RTRAF: variants seen among roughly 807,000 people sequenced by gnomAD.
The protein encoded by RTRAF is tRNA-splicing ligase complex subunit RTRAF.
A neutral mutation model predicts 34.4 loss-of-function variants in RTRAF; 14 were observed. The ratio of observed to expected loss-of-function variants is 0.41; its 90% CI spans 0.27 to 0.64. RTRAF has a LOEUF of 0.64. RTRAF is among the 30% of genes least tolerant of loss of function. RTRAF has a pLI of 0.34. For synonymous variants in RTRAF, 96 were observed against 95.3 expected, an observed-to-expected ratio of 1.01 and a Z score of -0.04; for missense variants, 291 against 288.4, an observed-to-expected ratio of 1.01 and a Z score of -0.06.
chr14:52,005,333 C>CAAAAGTCTTTTTGCACTACA lies in RTRAF; in HGVS notation c.*821_*840dup, dbSNP rs1175456825. On this transcript the variant is annotated 3_prime_UTR_variant, in exon 8 of 8. Transcript: ENST00000261700. ...TAAAGATTGAGGTATCAGCTTTTCACAAAAGTCTTTTTGCACTACAAAATG... is the reference window on the plus strand; with the variant it reads ...TAAAGATTGAGGTATCAGCTTTTCACAAAAGTCTTTTTGCACTACAAAAAGTCTTTTTGCACTACAAAATG... The CAAAAGTCTTTTTGCACTACA allele has an allele frequency of 1.4e-5, 8 of 589,178 alleles. No homozygotes were observed. Among genetic ancestry groups the CAAAAGTCTTTTTGCACTACA allele is most frequent in the South Asian group, 6.1e-5 (1 of 16,332 alleles). 36.5% of individuals were successfully genotyped at this position (589,178 alleles called of 1,614,324 possible). A position where few individuals can be genotyped will look rare whatever the true frequency, so the allele number is the denominator to read the frequency against.
rs1170136998 is a variant in RTRAF, at chr14:52,010,061, T to A, written c.*5545T>A. ...CAGAAAGGCAAGCCTATGCAAAGAG[T>A]TTTTAAGAGGGCTATTAATTCCTGT... On this transcript the variant is annotated 3_prime_UTR_variant, in exon 8 of 8. Coordinates refer to ENST00000261700, the MANE Select transcript of RTRAF (RefSeq NM_016039.3). 6.6e-6 allele frequency: 1 copy of A among 150,698 alleles called. No individual in the cohort carries two copies. Among genetic ancestry groups the A allele is most frequent in the African/African-American group, 2.4e-5 (1 of 40,874 alleles). The allele number at this position is 150,698 out of a possible 1,614,324, so 9.3% of individuals were successfully genotyped here. A position where few individuals can be genotyped will look rare whatever the true frequency, so the allele number is the denominator to read the frequency against.
At chr14:52,004,036 T>C (rs943556409) in intron 6 of RTRAF, 158 bp from the exon 7 acceptor site, 31 of 669,962 alleles carry the variant, frequency 4.6e-5, no homozygotes, top group Non-Finnish European at 7.3e-5. Context: ...CTAATCACAA[T>C]CATCACAAAG....
intron 2 of RTRAF, 31 bp downstream of exon 2, chr14:51,991,472 A>G (rs1475593216): frequency 6.3e-7 from 1 of 1,586,894 alleles, no homozygotes; most frequent in South Asian, 1.2e-5. Context: ...GTAAAAATAC[A>G]GAGAGTTTGT....
rs190299251 is a variant in RTRAF, at chr14:52,006,167, T to C, written c.*1651T>C. The stretch of plus-strand genomic sequence containing the variant: ...GTATTTTTCGGTCCCTCAGACAATA[T>C]GTCCACAGTGTCAAAAGCCAACTTA... On this transcript the variant is annotated 3_prime_UTR_variant, in exon 8 of 8. Transcript: ENST00000261700. The C allele has an allele frequency of 5.5e-5, 22 of 402,598 alleles. No individual in the cohort carries two copies. The highest frequency in any genetic ancestry group is 1.1e-4 in the Admixed American group (3 of 27,158). 24.9% of individuals were successfully genotyped at this position (402,598 alleles called of 1,614,324 possible).
At chr14:52,002,043 G>A in intron 6 of RTRAF, 177 bp downstream of exon 6, 3 of 583,856 alleles carry the variant, frequency 5.1e-6, no homozygotes, top group Non-Finnish European at 8.7e-6. Flanking sequence ...TGGCTAGGGG[G>A]TCATTTTTGA....
In RTRAF at chr14:52,001,260, ATGCATGCC is replaced by A. The variant is rs1177653027; in HGVS notation, c.463-536_463-529del. Among the ~76,000 whole-genome samples, 4 of 152,188 alleles carry A rather than the reference ATGCATGCC, an allele frequency of 2.6e-5. No individual in the cohort carries two copies. In the East Asian group the frequency reaches 7.7e-4, roughly 29 times the overall value. ...TTTTTAAGTGTGTATGGATACTTGC[ATGCATGCC>A]TACCATAATGAAATGCCTTGGTGAT... On this transcript the variant is annotated intron_variant, in intron 5 of 7. Transcript: ENST00000261700.
chr14:51,990,130 A>G (rs537582149), intron 1 of RTRAF, among the ~76,000 whole-genome samples: 53 of 152,260 alleles, frequency 3.5e-4, no homozygotes, highest in African/African-American at 1.3e-3. Context: ...GCCAGGAGCT[A>G]AAGGGACGAG....
chr14:51,993,803 A>G lies in RTRAF; in HGVS notation c.267A>G (p.Arg89=). The G allele has an allele frequency of 6.3e-7, 1 of 1,588,932 alleles. No individual in the cohort carries two copies. ...ACTGGCTTCTTGGTTTAGCTGTTAG[A>G]CTTGAATATGGAGATAATGGTACGT... ...AIDWLLGLAV[R]LEYGDNAEKY... The change falls in exon 3 of 8, where the codon AGA becomes AGG. Residue 89 remains arginine, a synonymous_variant. Coordinates refer to ENST00000261700, the MANE Select transcript of RTRAF (RefSeq NM_016039.3).
intron 6 of RTRAF, 45 bp from the exon 7 acceptor site, chr14:52,004,149 A>T (rs1054806277): frequency 6.5e-7 from 1 of 1,528,172 alleles, no homozygotes; most frequent in East Asian, 2.2e-5. Flanking sequence ...AAAGGATGCT[A>T]TTCTTAACCA....
chr14:52,007,910 T>G lies in RTRAF; in HGVS notation c.*3394T>G. The G allele has an allele frequency of 6.2e-7, 1 of 1,613,860 alleles. No homozygotes were observed. The highest frequency in any genetic ancestry group is 8.5e-7 in the Non-Finnish European group (1 of 1,179,850). On this transcript the variant is annotated 3_prime_UTR_variant, in exon 8 of 8. Transcript: ENST00000261700. The stretch of plus-strand genomic sequence containing the variant: ...TCAGAATTCTTCTGTTTTCTCCATC[T>G]AAAGATGACGTTTCAATTTTAGGAG...
At chr14:51,995,340 T>C (rs1890502069) in intron 3 of RTRAF, among the ~76,000 whole-genome samples, 1 of 152,134 alleles carries the variant, frequency 6.6e-6, no homozygotes, top group Non-Finnish European at 1.5e-5. Flanking sequence ...CTGAATTCCT[T>C]GACTCTGGCC....
intron 5 of RTRAF, 36 bp from the exon 6 acceptor site, chr14:52,001,762 G>A (rs1447715499): frequency 2.5e-6 from 4 of 1,570,066 alleles, no homozygotes; most frequent in Non-Finnish European, 3.5e-6. Context: ...CAGGTACACA[G>A]CCTATAAAAA....
chr14:52,000,910 T>C (rs1462731522), intron 5 of RTRAF, among the ~76,000 whole-genome samples: 1 of 152,178 alleles, frequency 6.6e-6, no homozygotes, highest in Non-Finnish European at 1.5e-5. Context: ...GGGGATAAAG[T>C]ATAAATCAAC....
chr14:52,004,101 C>A, intron 6 of RTRAF, 93 bp from the exon 7 acceptor site: 2 of 1,088,370 alleles, frequency 1.8e-6, no homozygotes, highest in Non-Finnish European at 2.8e-6. Flanking sequence ...AGAGTTAAGA[C>A]ACCAGAATAG....
At chr14:51,997,721 T>C (rs1046115083) in intron 3 of RTRAF, among the ~76,000 whole-genome samples, 1 of 151,706 alleles carries the variant, frequency 6.6e-6, no homozygotes, top group African/African-American at 2.4e-5. Context: ...ATTTGATGTA[T>C]TGATTTTTTT....
chr14:52,006,056 G>A lies in RTRAF; in HGVS notation c.*1540G>A, dbSNP rs1890767442. The A allele has an allele frequency of 3.1e-5, 17 of 555,380 alleles. No individual in the cohort carries two copies. In the South Asian group the frequency reaches 3.2e-4, roughly 10 times the overall value. 34.4% of individuals were successfully genotyped at this position (555,380 alleles called of 1,614,324 possible). ...GCTGCATGTTAGAATCACATGATGA[G>A]CTATCAAATCAGAGTTGTAGGGCAT... On this transcript the variant is annotated 3_prime_UTR_variant, in exon 8 of 8. Coordinates refer to ENST00000261700, the MANE Select transcript of RTRAF (RefSeq NM_016039.3).
At chr14:51,999,584 G>A (rs1002771773) in intron 4 of RTRAF, 124 bp from the exon 5 acceptor site, 8 of 596,742 alleles carry the variant, frequency 1.3e-5, no homozygotes, top group Non-Finnish European at 2.3e-5. Flanking sequence ...GTGAGTAGCA[G>A]TTTTAAAAAC....
In RTRAF at chr14:52,008,674, C is replaced by T. The variant is rs1890888556; in HGVS notation, c.*4158C>T. On this transcript the variant is annotated 3_prime_UTR_variant, in exon 8 of 8. Transcript: ENST00000261700. ...ACCCCTTGACTCAACTGCCCCAAAA[C>T]CCTCCGTTTGTTGAAGTCTTGAATT... 3 of 152,170 alleles carry T rather than the reference C, an allele frequency of 2.0e-5. No individual in the cohort carries two copies. In the South Asian group the frequency reaches 6.2e-4, roughly 31 times the overall value. The allele number at this position is 152,170 out of a possible 1,614,324, so 9.4% of individuals were successfully genotyped here. A position where few individuals can be genotyped will look rare whatever the true frequency, so the allele number is the denominator to read the frequency against.
In RTRAF at chr14:51,989,692, A is replaced by G. The variant is rs771181589; in HGVS notation, c.53A>G (p.Asn18Ser). 1.6e-5 allele frequency: 25 copies of G among 1,603,798 alleles called. No homozygotes were observed. Among genetic ancestry groups the G allele is most frequent in the Non-Finnish European group, 2.0e-5 (24 of 1,175,756 alleles). Residue 18 changes from asparagine (N) to serine (S), a missense_variant, in exon 1 of 8, where the codon AAC becomes AGC. Transcript: ENST00000261700. The part of the protein sequence containing the change: ...ALDYHNPAGF[N>S]CKDETEFRNF... ...GACTACCACAACCCCGCCGGCTTCA[A>G]CTGCAAAGGTGAGGCGGCGGCCTCA...
Sources: allele counts gnomAD v4.1 joint callset (sites outside exome capture counted in the v4.1 genomes callset), GRCh38; gene constraint gnomAD v4.1.1; transcripts MANE v1.5; gene names NCBI Gene and HGNC (gene_info 2026-07-23, HGNC 2026-07-21).